JAK1: variants seen among roughly 807,000 people sequenced by gnomAD.
The protein encoded by JAK1 is tyrosine-protein kinase JAK1.
In JAK1, 16 loss-of-function variants were observed where a neutral mutation model predicts 136.6. The ratio of observed to expected loss-of-function variants is 0.12; its 90% CI spans 0.08 to 0.18. JAK1 has a LOEUF of 0.18. Ranked by LOEUF, JAK1 falls within the 10% of genes least tolerant of loss-of-function variation. The probability of loss-of-function intolerance (pLI) is 1.00; values close to 1 mark genes in which losing one functional copy is unlikely to be tolerated. For missense variants in JAK1, 859 were observed against 1,450.1 expected (o/e 0.59, Z 6.62); for synonymous variants, 492 against 519.5 (o/e 0.95, Z 0.72).
chr1:64,969,711 A>G (rs1159354524), upstream of JAK1, among the ~76,000 whole-genome samples: 1 of 152,212 alleles, frequency 6.6e-6, no homozygotes, highest in African/African-American at 2.4e-5. Context: ...ACTGAGGCAG[A>G]GAGAGGAATC....
intron 4 of JAK1, among the ~76,000 whole-genome samples, chr1:64,874,578 C>T (rs1020284254): frequency 6.6e-6 from 1 of 152,034 alleles, no homozygotes; most frequent in Non-Finnish European, 1.5e-5. Context: ...CTTCCTCTGT[C>T]ACCTGTAAGA....
chr1:65,057,887 A>C (rs1273506807), intron 1 of JAK1: 2 of 153,944 alleles, frequency 1.3e-5, no homozygotes, highest in East Asian at 3.9e-4. Flanking sequence ...GATCCTAAAT[A>C]TCCTGAAAGA....
chr1:65,035,799 T>C (rs1454521440), intron 2 of JAK1, among the ~76,000 whole-genome samples: 1 of 152,146 alleles, frequency 6.6e-6, no homozygotes, highest in Non-Finnish European at 1.5e-5. Flanking sequence ...CCGGACGCGG[T>C]GGTTCACGCC....
intron 1 of JAK1, among the ~76,000 whole-genome samples, chr1:64,932,684 C>G (rs1645718920): frequency 1.3e-5 from 2 of 152,170 alleles, no homozygotes; most frequent in African/African-American, 4.8e-5. Flanking sequence ...TACTTTCACT[C>G]AGCTACTCCT....
chr1:64,928,784 A>AAAAAAAAC (rs1553169977), intron 1 of JAK1, among the ~76,000 whole-genome samples: 2 of 121,972 alleles, frequency 1.6e-5, no homozygotes, highest in South Asian at 2.7e-4. Flanking sequence ...TCTGCAAAAA[A>AAAAAAAAC]AAAAAAAAAA....
chr1:64,950,071 G>C (rs1193546679), intron 1 of JAK1, among the ~76,000 whole-genome samples: 1 of 152,098 alleles, frequency 6.6e-6, no homozygotes, highest in Admixed American at 6.6e-5. Context: ...ATAAAGACTA[G>C]AAAAGAATAA....
At chr1:64,878,566 T>C (rs1644715104) in intron 4 of JAK1, among the ~76,000 whole-genome samples, 3 of 12,500 alleles carry the variant, frequency 2.4e-4, no homozygotes, top group Non-Finnish European at 4.3e-4. Flanking sequence ...AGTGTGTATA[T>C]ATATATATAT....
At chr1:64,923,638 C>T (rs1169794163) in intron 1 of JAK1, among the ~76,000 whole-genome samples, 2 of 152,164 alleles carry the variant, frequency 1.3e-5, no homozygotes, top group African/African-American at 4.8e-5. Flanking sequence ...CATACACTCC[C>T]ATTTTCTAAA....
intron 2 of JAK1, among the ~76,000 whole-genome samples, chr1:65,016,177 T>C (rs1476028863): frequency 6.6e-6 from 1 of 152,212 alleles, no homozygotes; most frequent in Non-Finnish European, 1.5e-5. Context: ...CGCAAGTTTG[T>C]CAGGGGCTGG....
rs2101116455 is a variant in JAK1, at chr1:64,867,199, T to A, written c.657A>T (p.Arg219=). The change falls in exon 7 of 25, where the codon CGA becomes CGT. Residue 219 remains arginine, a synonymous_variant. Transcript: ENST00000342505. ...ACTTATTCAATGTTTCTGGAATATA[T>A]CGCTTGTAGCTAAAAGACAGTAGAA... ...PELPKDISYK[R]YIPETLNKSI... 1 of 1,595,442 alleles carries A rather than the reference T, an allele frequency of 6.3e-7. No homozygotes were observed. The highest frequency in any genetic ancestry group is 8.6e-7 in the Non-Finnish European group (1 of 1,167,316).
intron 1 of JAK1, among the ~76,000 whole-genome samples, chr1:64,953,507 G>A (rs1213998672): frequency 6.6e-6 from 1 of 152,034 alleles, no homozygotes; most frequent in East Asian, 1.9e-4. Flanking sequence ...TAACAGTCAG[G>A]TAATATAAAG....
At chr1:65,044,686 T>C (rs963050042) in intron 1 of JAK1, among the ~76,000 whole-genome samples, 2 of 152,162 alleles carry the variant, frequency 1.3e-5, no homozygotes, top group Admixed American at 6.5e-5. Flanking sequence ...TGGCTGTTTG[T>C]AGCCAACAGG....
chr1:64,965,769 G>A (rs548761557), intron 1 of JAK1, among the ~76,000 whole-genome samples: 1 of 152,268 alleles, frequency 6.6e-6, no homozygotes, highest in African/African-American at 2.4e-5. Flanking sequence ...AAGAGGGGAG[G>A]GGGCGTTTCC....
At chr1:65,055,717 T>A (rs1057119944) in intron 1 of JAK1, among the ~76,000 whole-genome samples, 7 of 152,186 alleles carry the variant, frequency 4.6e-5, no homozygotes, top group Admixed American at 4.6e-4. Flanking sequence ...GTCTATGAAA[T>A]GCCTTGAAGA....
At chr1:65,016,687 T>C (rs11590095) in intron 2 of JAK1, among the ~76,000 whole-genome samples, 1 of 151,644 alleles carries the variant, frequency 6.6e-6, no homozygotes, top group Admixed American at 6.6e-5. Flanking sequence ...TCACTTGAGG[T>C]CAGGAGTTAG....
rs546824002 is a variant in JAK1, at chr1:64,946,355, C to A, written c.-78+19978G>T. ...TAACCCTAGCAGGTATAACCAACCC[C>A]CTCTCTGCAAATAAGTAAATGGTGG... On this transcript the variant is annotated intron_variant, in intron 1 of 24. Transcript: ENST00000342505. 1.2e-4 allele frequency among the ~76,000 whole-genome samples: 18 copies of A among 152,306 alleles called. No individual in the cohort carries two copies. The South Asian group carries it at 3.7e-3, about 32-fold the overall frequency.
At chr1:65,063,081 T>C (rs933168831) in intron 1 of JAK1, among the ~76,000 whole-genome samples, 6 of 152,216 alleles carry the variant, frequency 3.9e-5, no homozygotes, top group African/African-American at 1.2e-4. Context: ...ATTGTACTTT[T>C]TTTGGAGGAA....
At chr1:64,891,243 C>T (rs1006192986) in intron 1 of JAK1, among the ~76,000 whole-genome samples, 1 of 152,192 alleles carries the variant, frequency 6.6e-6, no homozygotes, top group African/African-American at 2.4e-5. Flanking sequence ...TTACGCTAAT[C>T]AGCGAGAGTG....
Position 64,844,975 on chromosome 1 carries a change from A to AC in JAK1, c.2116-87dup. 1 of 1,559,336 alleles carries AC rather than the reference A, an allele frequency of 6.4e-7. No individual in the cohort carries two copies. The highest frequency in any genetic ancestry group is 8.8e-7 in the Non-Finnish European group (1 of 1,140,806). On this transcript the variant is annotated intron_variant, in intron 15 of 24. Transcript: ENST00000342505. The surrounding 1 kb of genome is among the most constrained non-coding windows in gnomAD (Gnocchi z 5.7). ...CTGGTCCCTCAGGTCATCTCTTCCT[A>AC]CCCCCAGCTACAGCCAGATCTGGAC... is the stretch of plus-strand genomic sequence containing the variant.
Sources: allele counts gnomAD v4.1 joint callset (sites outside exome capture counted in the v4.1 genomes callset), GRCh38; gene constraint gnomAD v4.1.1; non-coding constraint Gnocchi (gnomAD v3.1); transcripts MANE v1.5; gene names NCBI Gene and HGNC (gene_info 2026-07-23, HGNC 2026-07-21).